SS18: variants seen among roughly 807,000 people sequenced by gnomAD.
SS18 encodes protein SSXT.
In SS18, 28 loss-of-function variants were observed where a neutral mutation model predicts 72.5. The ratio of observed to expected loss-of-function variants is 0.39; its 90% confidence interval spans 0.29 to 0.53. The LOEUF (loss-of-function observed/expected upper bound fraction) is 0.53. Among genes scored for constraint, SS18 ranks in the 20% least tolerant of loss-of-function variants. SS18 has a pLI of 0.76. For missense variants in SS18, 518 were observed against 535.3 expected, an observed-to-expected ratio of 0.97 and a Z score of 0.32; for synonymous variants, 172 against 164.2, an observed-to-expected ratio of 1.05 and a Z score of -0.37.
intron 5 of SS18, among the ~76,000 whole-genome samples, chr18:26,046,876 A>G (rs1372544556): frequency 6.6e-6 from 1 of 152,236 alleles, no homozygotes; most frequent in Non-Finnish European, 1.5e-5. Context: ...ATCACTTATC[A>G]TGACAGGCAT....
chr18:26,044,097 A>G (rs1039068264), intron 5 of SS18, among the ~76,000 whole-genome samples: 1 of 152,204 alleles, frequency 6.6e-6, no homozygotes, highest in Non-Finnish European at 1.5e-5. Flanking sequence ...GTCAACAAAT[A>G]GGATAAAGCA....
In SS18 at chr18:26,018,803, T is replaced by C. The variant is rs553866375; in HGVS notation, c.1231-423A>G. 7.2e-5 allele frequency among the ~76,000 whole-genome samples: 11 copies of C among 152,240 alleles called. 1 individual carries two copies. In the South Asian group the frequency reaches 1.9e-3, roughly 26 times the overall value. On this transcript the variant is annotated intron_variant, in intron 10 of 10. Coordinates refer to ENST00000415083, the MANE Select transcript of SS18 (RefSeq NM_001007559.3). ...TTGTTATAATTATTACAAATGAACA[T>C]CAAGGGTATTTGCAATAAGTGGCAA...
At chr18:26,066,238 C>G (rs1437688062) in intron 3 of SS18, among the ~76,000 whole-genome samples, 2 of 151,974 alleles carry the variant, frequency 1.3e-5, no homozygotes, top group Non-Finnish European at 2.9e-5. Flanking sequence ...CCCCAATCAT[C>G]TAGTAGCAAA....
chr18:26,057,920 A>AT (rs2054052493), intron 3 of SS18, among the ~76,000 whole-genome samples, 178 bp from the exon 4 acceptor site: 1 of 152,230 alleles, frequency 6.6e-6, no homozygotes, highest in Non-Finnish European at 1.5e-5. Flanking sequence ...ACTTTAAAGC[A>AT]TATTTACTTT....
chr18:26,057,691 G>A lies in SS18; in HGVS notation c.283C>T (p.Pro95Ser), dbSNP rs2054047976. The change falls in exon 4 of 11, where the codon CCT becomes TCT. Residue 95 changes from proline (P) to serine (S), a missense_variant. Physicochemically the swap from Pro to Ser is moderately conservative, Grantham distance 74. Transcript: ENST00000415083. Reference sequence around the variant, plus strand: ...TTGTGAGAGCGTGGAGGTGGGGGAGGGCCGCTCTGATTCATCCCTCCAGGA... The same window carrying A: ...TTGTGAGAGCGTGGAGGTGGGGGAGAGCCGCTCTGATTCATCCCTCCAGGA... ...MGPGGMNQSG[P>S]PPPPRSHNMP... 1 of 1,613,970 alleles carries A rather than the reference G, an allele frequency of 6.2e-7. No homozygotes were observed. Among genetic ancestry groups the A allele is most frequent in the South Asian group, 1.1e-5 (1 of 91,080 alleles).
chr18:26,073,298 G>A (rs1002623626), intron 3 of SS18, among the ~76,000 whole-genome samples: 3 of 152,038 alleles, frequency 2.0e-5, no homozygotes, highest in African/African-American at 7.2e-5. Flanking sequence ...CTACATATCA[G>A]AACTATGATT....
chr18:26,042,102 T>C (rs2053739034), intron 5 of SS18, among the ~76,000 whole-genome samples: 1 of 152,214 alleles, frequency 6.6e-6, no homozygotes, highest in Admixed American at 6.5e-5. Flanking sequence ...GGAAGTATAT[T>C]ATTTTCCTTC....
In SS18 at chr18:26,017,163, C is replaced by G. The variant is rs2053263402; in HGVS notation, c.*1191G>C. 1 of 209,704 alleles carries G rather than the reference C, an allele frequency of 4.8e-6. No homozygotes were observed. Among genetic ancestry groups the G allele is most frequent in the South Asian group, 1.9e-4 (1 of 5,304 alleles). The allele number at this position is 209,704 out of a possible 1,614,324, so 13.0% of individuals were successfully genotyped here. A position where few individuals can be genotyped will look rare whatever the true frequency, so the allele number is the denominator to read the frequency against. ...ATGCCATGCTAATAAACAAGGTTAT[C>G]TAGAATGCAACCTCGGTGCTTTAAA... is the stretch of plus-strand genomic sequence containing the variant. On this transcript the variant is annotated 3_prime_UTR_variant, in exon 11 of 11. Transcript: ENST00000415083.
At chr18:26,050,611 A>T (rs1055207595) in intron 5 of SS18, among the ~76,000 whole-genome samples, 1 of 152,236 alleles carries the variant, frequency 6.6e-6, no homozygotes, top group African/African-American at 2.4e-5. Context: ...ACACTGTATA[A>T]CTTTCTTTTT....
At chr18:26,080,337 G>C in intron 2 of SS18, 1 of 985,284 alleles carries the variant, frequency 1.0e-6, no homozygotes, top group Non-Finnish European at 1.2e-6. Context: ...GTTTTCCTTT[G>C]CTTGAGTATT....
At chr18:26,020,130 G>A (rs2053322386) in intron 10 of SS18, among the ~76,000 whole-genome samples, 1 of 152,084 alleles carries the variant, frequency 6.6e-6, no homozygotes, top group Admixed American at 6.5e-5. Context: ...TTATTCCATT[G>A]TTAGATTGTC....
intron 5 of SS18, among the ~76,000 whole-genome samples, chr18:26,050,619 T>C (rs1460800426): frequency 6.6e-6 from 1 of 152,164 alleles, no homozygotes; most frequent in African/African-American, 2.4e-5. Context: ...TAACTTTCTT[T>C]TTTGGTAACT....
chr18:26,019,542 G>A (rs1304010242), intron 10 of SS18, among the ~76,000 whole-genome samples: 2 of 152,110 alleles, frequency 1.3e-5, no homozygotes, highest in African/African-American at 4.8e-5. Flanking sequence ...CAGGCATGGT[G>A]ACTCACACCT....
chr18:26,017,412 T>C lies in SS18; in HGVS notation c.*942A>G. On this transcript the variant is annotated 3_prime_UTR_variant, in exon 11 of 11. Transcript: ENST00000415083. Reference sequence around the variant, plus strand: ...ATAAAATGACTGGATCAATGTTGACTCTTCTTTGATATCATTTATAAAATG... The same window carrying C: ...ATAAAATGACTGGATCAATGTTGACCCTTCTTTGATATCATTTATAAAATG... The C allele has an allele frequency of 5.2e-6, 1 of 192,582 alleles. No individual in the cohort carries two copies. Among genetic ancestry groups the C allele is most frequent in the Non-Finnish European group, 1.1e-5 (1 of 91,842 alleles). 11.9% of individuals were successfully genotyped at this position (192,582 alleles called of 1,614,324 possible). A position where few individuals can be genotyped will look rare whatever the true frequency, so the allele number is the denominator to read the frequency against.
chr18:26,081,471 G>T (rs1568032416), intron 2 of SS18: 1 of 152,176 alleles, frequency 6.6e-6, no homozygotes, highest in African/African-American at 2.4e-5. Context: ...GATTACAGGC[G>T]TGAGTCACCA....
chr18:26,055,625 T>C (rs946722356), intron 4 of SS18, among the ~76,000 whole-genome samples: 12 of 152,042 alleles, frequency 7.9e-5, no homozygotes, highest in African/African-American at 2.9e-4. Flanking sequence ...AGATGCAAAT[T>C]TGTGTGCATA....
intron 3 of SS18, among the ~76,000 whole-genome samples, chr18:26,063,935 G>C (rs542492292): frequency 6.6e-6 from 1 of 151,964 alleles, no homozygotes; most frequent in African/African-American, 2.4e-5. Context: ...AAAATTAAAA[G>C]GGGGGGCATC....
chr18:26,048,288 C>A (rs1328601277), intron 5 of SS18, among the ~76,000 whole-genome samples: 2 of 152,074 alleles, frequency 1.3e-5, no homozygotes, highest in Non-Finnish European at 2.9e-5. Flanking sequence ...TACAAGTAAT[C>A]AAAGACATAG....
upstream of SS18, chr18:26,090,712 G>A: frequency 1.2e-6 from 1 of 863,896 alleles, no homozygotes; most frequent in Non-Finnish European, 1.8e-6. Flanking sequence ...CGGGCGGCGG[G>A]GCAGGCCTGA....
Sources: gnomAD v4.1 joint callset for allele counts (sites outside exome capture counted in the v4.1 genomes callset) on GRCh38, gnomAD v4.1.1 for gene constraint, MANE v1.5 for transcripts, NCBI Gene and HGNC (gene_info 2026-07-23, HGNC 2026-07-21) for gene names.